FMN1: variants seen among roughly 807,000 people sequenced by gnomAD.
FMN1 encodes formin-1.
Under a neutral mutation model 132.4 loss-of-function variants are expected in FMN1, and 110 were observed. The observed-to-expected ratio is 0.83, with a 90% CI of 0.71 to 0.97. The LOEUF is 0.97. Ranked by LOEUF, FMN1 falls within the 50% of genes least tolerant of loss-of-function variation. The pLI is 0.00. For missense variants in FMN1, 1,792 were observed against 1,705.3 expected, an observed-to-expected ratio of 1.05 and a Z score of -0.90; for synonymous variants, 722 against 651.7, an observed-to-expected ratio of 1.11 and a Z score of -1.64.
intron 4 of FMN1, among the ~76,000 whole-genome samples, chr15:33,124,184 G>C (rs1474795431): frequency 1.3e-5 from 2 of 152,196 alleles, no homozygotes; most frequent in African/African-American, 4.8e-5. Context: ...AGTGCAAAGG[G>C]TGAGACGTGG....
chr15:32,988,772 T>C (rs2033245423), intron 7 of FMN1, among the ~76,000 whole-genome samples: 1 of 54,326 alleles, frequency 1.8e-5, no homozygotes. Context: ...CTCCCTTTAA[T>C]GTATTGAGAA....
intron 9 of FMN1, among the ~76,000 whole-genome samples, chr15:32,957,115 G>C (rs2061787278): frequency 6.6e-6 from 1 of 152,068 alleles, no homozygotes; most frequent in Non-Finnish European, 1.5e-5. Flanking sequence ...CAGAGACAGA[G>C]AGGGAGACGG....
Position 32,969,289 on chromosome 15 carries a change from G to A in FMN1, c.2412C>T (p.Cys804=), listed in dbSNP as rs772684449. The change falls in exon 8 of 21, where the codon TGC becomes TGT. Residue 804 remains cysteine (C), a synonymous_variant. Coordinates refer to ENST00000616417, the MANE Select transcript of FMN1 (RefSeq NM_001277313.2). ...GGAAGGTCTCTCTGTCTGTCTGGAC[G>A]CACACATTTCTGAAGGTCTTTGGAG... ...DCPPKTFRNV[C]VQTDRETFLK... 2.2e-5 allele frequency: 35 copies of A among 1,613,870 alleles called. No individual in the cohort carries two copies. The East Asian group carries it at 4.5e-4, about 21-fold the overall frequency.
At chr15:32,949,427 A>T (rs1470528124) in intron 9 of FMN1, among the ~76,000 whole-genome samples, 1 of 152,182 alleles carries the variant, frequency 6.6e-6, no homozygotes, top group Non-Finnish European at 1.5e-5. Flanking sequence ...ACCTTTGACA[A>T]ACTTGACAAA....
intron 16 of FMN1, among the ~76,000 whole-genome samples, chr15:32,873,446 C>G (rs1242120339): frequency 1.3e-5 from 2 of 152,220 alleles, no homozygotes; most frequent in African/African-American, 4.8e-5. Context: ...TCCTGTAAAT[C>G]TGTCATTGAT....
intron 19 of FMN1, among the ~76,000 whole-genome samples, chr15:32,783,744 CAAAAAAAAAAAAAAAAAAAAAAAAA>C (rs533699379): frequency 2.3e-4 from 15 of 64,250 alleles, no homozygotes; most frequent in African/African-American, 8.6e-4. Context: ...GACTCTGTTT[CAAAAAAAAAAAAAAAAAAAAAAAAA>C]AAAAAAAAAA....
At chr15:32,792,227 CAGG>C (rs2140945935) in intron 19 of FMN1, among the ~76,000 whole-genome samples, 1 of 141,578 alleles carries the variant, frequency 7.1e-6, no homozygotes, top group Admixed American at 7.6e-5. Flanking sequence ...ATCACGAGGT[CAGG>C]AGATTGAGAC....
At chr15:32,892,309 A>G (rs191211749) in intron 15 of FMN1, among the ~76,000 whole-genome samples, 88 of 152,336 alleles carry the variant, frequency 5.8e-4, no homozygotes, top group African/African-American at 2.1e-3. Context: ...ATCTATTGAT[A>G]TGATCATGTG....
chr15:32,780,178 A>G (rs2056618916), intron 19 of FMN1, among the ~76,000 whole-genome samples: 5 of 152,246 alleles, frequency 3.3e-5, no homozygotes, highest in East Asian at 1.9e-4. Context: ...TCCATCTTCA[A>G]TAGAAGCTGG....
chr15:33,012,536 G>T, intron 6 of FMN1: 4 of 1,522,398 alleles, frequency 2.6e-6, no homozygotes, highest in Non-Finnish European at 3.6e-6. Flanking sequence ...ACTGACCGAG[G>T]CAGTGGCAAG....
At chr15:33,171,710 A>G (rs1965328128) in intron 3 of FMN1, among the ~76,000 whole-genome samples, 2 of 152,114 alleles carry the variant, frequency 1.3e-5, no homozygotes, top group African/African-American at 4.8e-5. Flanking sequence ...TTCAGTCTTA[A>G]TTTCCTTCCC....
At chr15:32,955,810 C>CGT (rs71682708) in intron 9 of FMN1, among the ~76,000 whole-genome samples, 4,409 of 150,180 alleles carry the variant, frequency 0.029, 77 homozygotes, top group Non-Finnish European at 0.036. Flanking sequence ...TGTGCGTGTG[C>CGT]GTGTGTGTGT....
At chr15:32,891,658 T>C (rs2060033138) in intron 15 of FMN1, among the ~76,000 whole-genome samples, 1 of 151,996 alleles carries the variant, frequency 6.6e-6, no homozygotes, top group Non-Finnish European at 1.5e-5. Context: ...CTTTTCACAA[T>C]ATTGATACTA....
intron 9 of FMN1, among the ~76,000 whole-genome samples, chr15:32,936,402 C>G (rs558709687): frequency 1.3e-5 from 2 of 152,130 alleles, no homozygotes; most frequent in African/African-American, 4.8e-5. Context: ...GATTTTCAAG[C>G]CTTTTTCTGT....
At chr15:32,857,150 G>T (rs2059152284) in intron 16 of FMN1, 43 bp from the exon 17 acceptor site, 1 of 1,463,090 alleles carries the variant, frequency 6.8e-7, no homozygotes, top group South Asian at 1.1e-5. Flanking sequence ...ACACAGATTT[G>T]CTGAGCTCCT....
rs757355149 is a variant in FMN1, at chr15:32,964,131, A to G, written c.3114T>C (p.Tyr1038=). The change falls in exon 9 of 21, where the codon TAT becomes TAC. Residue 1038 remains tyrosine (Y), a synonymous_variant. Transcript: ENST00000616417. ...CCTTTTTGACCTTGTTTTTCTTCTCATAAGTCTCTGACAGAGGTTTTTTCT... is the reference window on the plus strand; with the variant it reads ...CCTTTTTGACCTTGTTTTTCTTCTCGTAAGTCTCTGACAGAGGTTTTTTCT... ...QQKKKPLSET[Y]EKKNKVKKII... 73 of 1,612,208 alleles carry G rather than the reference A, an allele frequency of 4.5e-5. No individual in the cohort carries two copies. The highest frequency in any genetic ancestry group is 3.6e-4 in the East Asian group (16 of 44,834).
At chr15:32,791,910 G>A (rs1249152906) in intron 19 of FMN1, among the ~76,000 whole-genome samples, 1 of 152,060 alleles carries the variant, frequency 6.6e-6, no homozygotes, top group Non-Finnish European at 1.5e-5. Context: ...TGTGCAGTAG[G>A]AAATGTAGGT....
At chr15:33,126,706 AAG>A (rs1459174199) in intron 4 of FMN1, among the ~76,000 whole-genome samples, 3 of 145,954 alleles carry the variant, frequency 2.1e-5, no homozygotes, top group African/African-American at 7.5e-5. Flanking sequence ...AAGGCAATAA[AAG>A]AGCAATCTAC....
rs144773882 is a variant in FMN1 at position 33,101,050 on chromosome 15, C to A, written c.1868-12076G>T. Among the ~76,000 whole-genome samples the A allele has an allele frequency of 2.7e-3, 414 of 152,064 alleles. 3 individuals carry two copies. Among genetic ancestry groups the A allele is most frequent in the African/African-American group, 8.8e-3 (367 of 41,480 alleles). On this transcript the variant is annotated intron_variant, in intron 4 of 20. Coordinates refer to ENST00000616417, the MANE Select transcript of FMN1 (RefSeq NM_001277313.2). ...TTTTCTGTACTTTCTACCGTTTTTTCAATGGACTTTCTAAATTTCATTTAG... is the reference window on the plus strand; with the variant it reads ...TTTTCTGTACTTTCTACCGTTTTTTAAATGGACTTTCTAAATTTCATTTAG...
Sources: allele counts gnomAD v4.1 joint callset (sites outside exome capture counted in the v4.1 genomes callset), GRCh38; gene constraint gnomAD v4.1.1; transcripts MANE v1.5; gene names NCBI Gene and HGNC (gene_info 2026-07-23, HGNC 2026-07-21).